The following RNF170 variants were observed in gnomAD, a reference collection of about 807,000 sequenced individuals.
RNF170 encodes E3 ubiquitin-protein ligase RNF170.
A neutral mutation model predicts 32.7 loss-of-function variants in RNF170; 12 were observed. The ratio of observed to expected loss-of-function variants is 0.37; its 90% CI spans 0.24 to 0.60. The LOEUF (loss-of-function observed/expected upper bound fraction) is 0.60. RNF170 is among the 20% of genes least tolerant of loss of function. The pLI is 0.72. For missense variants in RNF170, 212 were observed against 311.2 expected (o/e 0.68, Z 2.40); for synonymous variants, 91 against 103.6 (o/e 0.88, Z 0.74).
chr8:42,876,465 T>C (rs1008347875), intron 2 of RNF170, among the ~76,000 whole-genome samples: 4 of 151,628 alleles, frequency 2.6e-5, no homozygotes, highest in South Asian at 2.1e-4. Context: ...TGAGATAACC[T>C]GCTCCCTGCT....
intron 6 of RNF170, among the ~76,000 whole-genome samples, chr8:42,860,176 A>G (rs1410033758): frequency 6.6e-6 from 1 of 152,214 alleles, no homozygotes; most frequent in Non-Finnish European, 1.5e-5. Context: ...TTGGATCTAC[A>G]GAGTCTGGAG....
At chr8:42,884,901 C>T (rs1459709637) in intron 2 of RNF170, among the ~76,000 whole-genome samples, 1 of 151,374 alleles carries the variant, frequency 6.6e-6, no homozygotes, top group Non-Finnish European at 1.5e-5. Context: ...GGAGTTTCAT[C>T]ATGTTGGCCA....
chr8:42,867,471 CAAAAAAAA>C (rs34272095), intron 4 of RNF170, among the ~76,000 whole-genome samples: 2 of 35,706 alleles, frequency 5.6e-5, no homozygotes, highest in Non-Finnish European at 1.0e-4. Flanking sequence ...AACTCCGTCT[CAAAAAAAA>C]AAAAAAAAAA....
intron 4 of RNF170, among the ~76,000 whole-genome samples, chr8:42,867,883 A>G (rs997027608): frequency 6.6e-6 from 1 of 152,140 alleles, no homozygotes; most frequent in Admixed American, 6.6e-5. Context: ...ACTGAACTTC[A>G]TAGGAAAGAT....
rs573281405 is a variant in RNF170, at chr8:42,888,628, T to C, written c.-7-757A>G. ...AAATACAAAATTTAGCCGGGTGACG[T>C]GTGCCTGTAATGTCAGCTACTCTGG... On this transcript the variant is annotated intron_variant, in intron 1 of 6. Transcript: ENST00000527424. Among the ~76,000 whole-genome samples, 40 of 151,816 alleles carry C rather than the reference T, an allele frequency of 2.6e-4. No homozygotes were observed. The East Asian group carries it at 4.3e-3, about 16-fold the overall frequency.
chr8:42,870,808 A>C (rs1465365667), intron 3 of RNF170, among the ~76,000 whole-genome samples: 1 of 152,240 alleles, frequency 6.6e-6, no homozygotes, highest in East Asian at 1.9e-4. Context: ...TCATTTTAAA[A>C]GTGTTGCACA....
chr8:42,852,043 G>T (rs1802954585), downstream of RNF170, among the ~76,000 whole-genome samples: 1 of 152,208 alleles, frequency 6.6e-6, no homozygotes, highest in Non-Finnish European at 1.5e-5. Flanking sequence ...CTTGGCAGGG[G>T]AGAAGTGGTT....
chr8:42,865,147 C>T (rs1803987229), intron 5 of RNF170, among the ~76,000 whole-genome samples: 1 of 151,756 alleles, frequency 6.6e-6, no homozygotes, highest in Admixed American at 6.6e-5. Context: ...GTCCCAGCTA[C>T]TCAGGAGGCT....
chr8:42,882,062 A>G (rs1805456950), intron 2 of RNF170, among the ~76,000 whole-genome samples: 1 of 152,146 alleles, frequency 6.6e-6, no homozygotes, highest in Admixed American at 6.5e-5. Context: ...CCTATTATGG[A>G]TAGTTATTAT....
At position 42,862,133 on chromosome 8, in the gene RNF170, C is replaced by T. The variant is rs139212403; in HGVS notation, c.397-278G>A. The stretch of plus-strand genomic sequence containing the variant: ...TAAATTCCTTAGTTCTCTATTTGGG[C>T]TAACAGATATTTGAAGATAAAAGAA... On this transcript the variant is annotated intron_variant, in intron 5 of 6. Transcript: ENST00000527424. Among the ~76,000 whole-genome samples, 49 of 152,068 alleles carry T rather than the reference C, an allele frequency of 3.2e-4. No individual in the cohort carries two copies. The East Asian group carries it at 6.0e-3, about 19-fold the overall frequency.
At chr8:42,887,423 C>T (rs1805912295) in intron 2 of RNF170, among the ~76,000 whole-genome samples, 1 of 152,130 alleles carries the variant, frequency 6.6e-6, no homozygotes, top group South Asian at 2.1e-4. Context: ...TCATCTATAT[C>T]ACCTACAAGT....
intron 5 of RNF170, among the ~76,000 whole-genome samples, chr8:42,862,842 G>A (rs887691506): frequency 3.9e-5 from 6 of 152,244 alleles, no homozygotes; most frequent in South Asian, 2.1e-4. Flanking sequence ...CCAGAAAAAT[G>A]AAGTCAAAAG....
intron 2 of RNF170, among the ~76,000 whole-genome samples, chr8:42,875,789 C>A (rs1804880538): frequency 1.3e-5 from 2 of 152,166 alleles, no homozygotes; most frequent in African/African-American, 2.4e-5. Flanking sequence ...GTTGGCCAGG[C>A]TGGTCTCGAT....
intron 2 of RNF170, among the ~76,000 whole-genome samples, chr8:42,885,844 G>C (rs1805773034): frequency 6.6e-6 from 1 of 152,042 alleles, no homozygotes; most frequent in Non-Finnish European, 1.5e-5. Flanking sequence ...CTGCAGACTT[G>C]ACTTCCTAGG....
downstream of RNF170, among the ~76,000 whole-genome samples, chr8:42,851,750 C>T (rs1185949689): frequency 0.024 from 1 of 42 alleles, no homozygotes; most frequent in African/African-American, 0.1. Flanking sequence ...GTGATCCTCC[C>T]ACTTCAGCTC....
intron 2 of RNF170, among the ~76,000 whole-genome samples, chr8:42,885,983 G>A (rs1805787083): frequency 6.6e-6 from 1 of 152,132 alleles, no homozygotes; most frequent in African/African-American, 2.4e-5. Context: ...CCGATTTTGG[G>A]AGGCCGAGGT....
intron 2 of RNF170, among the ~76,000 whole-genome samples, chr8:42,882,867 G>T (rs184265093): frequency 3.3e-4 from 50 of 152,248 alleles, no homozygotes; most frequent in African/African-American, 1.1e-3. Flanking sequence ...TTCAAGACCA[G>T]TCTGGGCAAC....
chr8:42,897,236 C>T (rs1807014562), upstream of RNF170: 4 of 1,187,094 alleles, frequency 3.4e-6, no homozygotes, highest in South Asian at 8.5e-5. Flanking sequence ...CCCCCGCCAC[C>T]TACCGGGACC....
chr8:42,878,625 T>C (rs945882268), intron 2 of RNF170, among the ~76,000 whole-genome samples: 2 of 152,214 alleles, frequency 1.3e-5, no homozygotes, highest in African/African-American at 4.8e-5. Flanking sequence ...AAGTGCAAAC[T>C]TTTATTTTAT....
Sources: allele counts gnomAD v4.1 joint callset (sites outside exome capture counted in the v4.1 genomes callset), GRCh38; gene constraint gnomAD v4.1.1; transcripts MANE v1.5; gene names NCBI Gene and HGNC (gene_info 2026-07-23, HGNC 2026-07-21).